RIC3: variants seen among roughly 807,000 people sequenced by gnomAD.
RIC3 encodes the protein protein RIC-3.
A neutral mutation model predicts 27.3 loss-of-function variants in RIC3; 28 were observed. The observed-to-expected ratio is 1.02, with a 90% confidence interval of 0.76 to 1.41. The LOEUF (loss-of-function observed/expected upper bound fraction) is 1.41, where lower values mean the gene tolerates loss of function less well. RIC3 is among the 40% of genes most tolerant of loss of function. RIC3 has a pLI of 0.00. For synonymous variants in RIC3, 184 were observed against 160.4 expected (o/e 1.15, Z -1.11); for missense variants, 501 against 444.7 (o/e 1.13, Z -1.14).
chr11:8,120,219 T>TA (rs1946293297), intron 5 of RIC3, among the ~76,000 whole-genome samples: 1 of 152,220 alleles, frequency 6.6e-6, no homozygotes, highest in South Asian at 2.1e-4. Context: ...TAAATCATGC[T>TA]ACTATAAAGA....
At position 8,107,369 on chromosome 11, in the gene RIC3, C is replaced by G. The variant is rs1318955377; in HGVS notation, c.*3329G>C. 6.6e-6 allele frequency: 1 copy of G among 152,140 alleles called. No homozygotes were observed. Among genetic ancestry groups the G allele is most frequent in the African/African-American group, 2.4e-5 (1 of 41,428 alleles). 9.4% of individuals were successfully genotyped at this position (152,140 alleles called of 1,614,324 possible). A position where few individuals can be genotyped will look rare whatever the true frequency, so the allele number is the denominator to read the frequency against. On this transcript the variant is annotated 3_prime_UTR_variant, in exon 6 of 6. Coordinates refer to ENST00000309737, the MANE Select transcript of RIC3 (RefSeq NM_001206671.4). ...GGCCTATCTCCTGTGGCCTCTGCCT[C>G]TGGTGGGAAATAGCGCATACAGGAT...
chr11:8,158,413 A>T (rs1431672782), intron 1 of RIC3, among the ~76,000 whole-genome samples: 1 of 152,190 alleles, frequency 6.6e-6, no homozygotes, highest in East Asian at 2.0e-4. Flanking sequence ...AGCCAAGTAG[A>T]AGTAGTAGAT....
intron 5 of RIC3, among the ~76,000 whole-genome samples, chr11:8,115,234 G>C (rs1047389541): frequency 4.0e-5 from 6 of 151,388 alleles, no homozygotes; most frequent in Non-Finnish European, 7.4e-5. Context: ...AGTTCTAACA[G>C]ATTTATCAGC....
chr11:8,095,042 A>G, the RIC3 span, among the ~76,000 whole-genome samples: 5,275 of 152,278 alleles, frequency 0.035, 290 homozygotes, highest in African/African-American at 0.12. Flanking sequence ...CAAGGGGCCC[A>G]CGTTTTTAAT....
At chr11:8,141,768 A>G (rs1275175089) in intron 1 of RIC3, among the ~76,000 whole-genome samples, 1 of 152,224 alleles carries the variant, frequency 6.6e-6, no homozygotes, top group African/African-American at 2.4e-5. Context: ...AATTGACCAC[A>G]TACTTGGAAG....
chr11:8,126,879 G>T, intron 4 of RIC3, 72 bp from the exon 5 acceptor site: 1 of 1,562,290 alleles, frequency 6.4e-7, no homozygotes. Flanking sequence ...CATCACTATG[G>T]TCTGTCTGGG....
chr11:8,164,143 A>G (rs61569034), intron 1 of RIC3, among the ~76,000 whole-genome samples: 108 of 152,314 alleles, frequency 7.1e-4, no homozygotes, highest in African/African-American at 2.5e-3. Context: ...ATATATCCAC[A>G]TGAAGTTGGA....
chr11:8,101,658 C>G (rs770460278), downstream of RIC3: 1 of 1,607,824 alleles, frequency 6.2e-7, no homozygotes, highest in Admixed American at 1.7e-5. Context: ...CAGCCTGGAG[C>G]GGAGCTTGCC....
intron 5 of RIC3, among the ~76,000 whole-genome samples, chr11:8,114,991 A>C (rs975518151): frequency 7.2e-5 from 11 of 152,164 alleles, no homozygotes; most frequent in African/African-American, 2.4e-4. Context: ...ACTGGAGTTC[A>C]AGAAGGAGGA....
intron 5 of RIC3, among the ~76,000 whole-genome samples, chr11:8,125,902 G>A (rs999808241): frequency 6.6e-6 from 1 of 152,110 alleles, no homozygotes; most frequent in Non-Finnish European, 1.5e-5. Context: ...ATTCAGGTGT[G>A]GTGCCAGGCA....
intron 5 of RIC3, among the ~76,000 whole-genome samples, chr11:8,124,597 GAAC>G (rs1946807424): frequency 6.6e-6 from 1 of 152,078 alleles, no homozygotes; most frequent in Non-Finnish European, 1.5e-5. Context: ...AAAAAAATCT[GAAC>G]AACTTGAACT....
intron 1 of RIC3, among the ~76,000 whole-genome samples, chr11:8,157,867 T>C (rs1475492543): frequency 6.6e-6 from 1 of 152,154 alleles, no homozygotes; most frequent in Admixed American, 6.5e-5. Flanking sequence ...CTTGAAAAAA[T>C]GCCTAATTTA....
chr11:8,163,018 A>AACACACACACACACACACACACACAC (rs59248468), intron 1 of RIC3, among the ~76,000 whole-genome samples: 8 of 136,052 alleles, frequency 5.9e-5, no homozygotes, highest in African/African-American at 8.2e-5. Context: ...GGATTATTTA[A>AACACACACACACACACACACACACAC]ACACACACAC....
chr11:8,110,380 TCA>T lies in RIC3; in HGVS notation c.*316_*317del. Reference sequence around the variant, plus strand: ...TATCTGTTACACCTACCAGGAAGAGTCAGACCTTTGCCCCTGAGTGGTCCCAT... The same window carrying T: ...TATCTGTTACACCTACCAGGAAGAGTGACCTTTGCCCCTGAGTGGTCCCAT... On this transcript the variant is annotated 3_prime_UTR_variant, in exon 6 of 6. Transcript: ENST00000309737. The T allele has an allele frequency of 2.3e-6, 1 of 427,722 alleles. No homozygotes were observed. The highest frequency in any genetic ancestry group is 4.4e-6 in the Non-Finnish European group (1 of 228,166). 26.5% of individuals were successfully genotyped at this position (427,722 alleles called of 1,614,324 possible).
intron 5 of RIC3, among the ~76,000 whole-genome samples, chr11:8,119,790 T>A (rs2133473008): frequency 6.6e-6 from 1 of 152,286 alleles, no homozygotes; most frequent in Non-Finnish European, 1.5e-5. Context: ...TTTTGCAATC[T>A]ACCCATCTGA....
chr11:8,152,969 G>T (rs1284748245), intron 1 of RIC3, among the ~76,000 whole-genome samples: 1 of 151,728 alleles, frequency 6.6e-6, no homozygotes, highest in East Asian at 1.9e-4. Context: ...CAAAAAATAG[G>T]GTTTCAAAAA....
intron 1 of RIC3, among the ~76,000 whole-genome samples, chr11:8,153,220 C>T (rs548892714): frequency 2.0e-5 from 3 of 152,208 alleles, no homozygotes; most frequent in South Asian, 2.1e-4. Context: ...ACTTTACATG[C>T]GGTATTATTG....
At chr11:8,146,731 G>C (rs545149921) in intron 1 of RIC3, among the ~76,000 whole-genome samples, 4 of 152,040 alleles carry the variant, frequency 2.6e-5, no homozygotes, top group Non-Finnish European at 5.9e-5. Flanking sequence ...AAGGCGGGGC[G>C]GGGTGGCAGG....
At chr11:8,122,994 G>T (rs573882474) in intron 5 of RIC3, among the ~76,000 whole-genome samples, 63 of 151,484 alleles carry the variant, frequency 4.2e-4, no homozygotes, top group Middle Eastern at 6.8e-3. Context: ...AGCTATTACA[G>T]ATATGAATCA....
Sources: gnomAD v4.1 joint callset for allele counts (sites outside exome capture counted in the v4.1 genomes callset) on GRCh38, gnomAD v4.1.1 for gene constraint, MANE v1.5 for transcripts, NCBI Gene and HGNC (gene_info 2026-07-23, HGNC 2026-07-21) for gene names.